SYT1: variants seen among roughly 807,000 people sequenced by gnomAD.
SYT1 encodes synaptotagmin-1.
SYT1 carries 8 observed loss-of-function variants against 44.8 expected under a neutral mutation model. That is an observed-to-expected ratio of 0.18 (90% CI 0.10 to 0.32). SYT1 has a LOEUF of 0.32. Among genes scored for constraint, SYT1 ranks in the 10% least tolerant of loss-of-function variants. SYT1 has a pLI of 1.00. For missense variants in SYT1, 286 were observed against 509.3 expected (o/e 0.56, Z 4.22); for synonymous variants, 154 against 188.8 (o/e 0.82, Z 1.51).
intron 3 of SYT1, among the ~76,000 whole-genome samples, chr12:79,076,157 A>G (rs930717870): frequency 3.3e-5 from 5 of 152,114 alleles, no homozygotes; most frequent in East Asian, 3.9e-4. Context: ...GATGTGATCT[A>G]ATGGAACAAG....
intron 9 of SYT1, among the ~76,000 whole-genome samples, chr12:79,384,350 A>G (rs1320431067): frequency 2.0e-5 from 3 of 152,230 alleles, no homozygotes; most frequent in Admixed American, 6.5e-5. Context: ...TATATGCCAA[A>G]AAGAATCTTT....
chr12:79,062,525 TTC>T (rs1875467570), intron 3 of SYT1, among the ~76,000 whole-genome samples: 1 of 152,188 alleles, frequency 6.6e-6, no homozygotes, highest in South Asian at 2.1e-4. Context: ...GGGTTGTGTT[TTC>T]TCTGTTATTC....
intron 3 of SYT1, among the ~76,000 whole-genome samples, chr12:79,211,561 G>C (rs1032287733): frequency 6.6e-6 from 1 of 151,506 alleles, no homozygotes; most frequent in Admixed American, 6.6e-5. Context: ...TCTAGCATTA[G>C]GTATATCTCC....
intron 1 of SYT1, among the ~76,000 whole-genome samples, chr12:78,974,704 C>G (rs1245554734): frequency 6.6e-6 from 1 of 151,928 alleles, no homozygotes; most frequent in South Asian, 2.1e-4. Flanking sequence ...CCAAAGTGCT[C>G]GCATTACAGG....
chr12:78,986,429 C>T (rs1869645143), intron 2 of SYT1, among the ~76,000 whole-genome samples: 2 of 151,786 alleles, frequency 1.3e-5, no homozygotes, highest in South Asian at 4.1e-4. Context: ...TTCATGGTTA[C>T]AATTTTTGCA....
intron 9 of SYT1, among the ~76,000 whole-genome samples, chr12:79,371,391 C>A (rs1883783127): frequency 6.6e-6 from 1 of 152,180 alleles, no homozygotes; most frequent in African/African-American, 2.4e-5. Context: ...TCAGTTGACT[C>A]ACAATGAATA....
At chr12:78,910,773 C>T (rs1057424852) in intron 1 of SYT1, among the ~76,000 whole-genome samples, 5 of 151,866 alleles carry the variant, frequency 3.3e-5, no homozygotes, top group Admixed American at 6.6e-5. Flanking sequence ...GAAACTTGAC[C>T]TTATCGAAGA....
At chr12:78,982,744 T>A (rs1417948011) in intron 2 of SYT1, among the ~76,000 whole-genome samples, 1 of 152,200 alleles carries the variant, frequency 6.6e-6, no homozygotes, top group Non-Finnish European at 1.5e-5. Context: ...TTATAACTGA[T>A]GCTATATCAT....
At chr12:78,961,928 TAA>T (rs562271771) in intron 1 of SYT1, among the ~76,000 whole-genome samples, 106 of 152,304 alleles carry the variant, frequency 7.0e-4, no homozygotes, top group African/African-American at 2.5e-3. Flanking sequence ...CAATCAAAGA[TAA>T]AAGGTAATAT....
At chr12:78,934,467 G>T (rs899288652) in intron 1 of SYT1, among the ~76,000 whole-genome samples, 2 of 152,102 alleles carry the variant, frequency 1.3e-5, no homozygotes, top group African/African-American at 4.8e-5. Flanking sequence ...AGCCTGTGGG[G>T]TTGAGGCTGC....
At chr12:79,113,764 A>C (rs919723251) in intron 3 of SYT1, among the ~76,000 whole-genome samples, 1 of 152,132 alleles carries the variant, frequency 6.6e-6, no homozygotes, top group Non-Finnish European at 1.5e-5. Flanking sequence ...TCTGCTCACC[A>C]CTAATCCCAG....
intron 3 of SYT1, among the ~76,000 whole-genome samples, chr12:79,154,977 G>A (rs1424192004): frequency 6.6e-6 from 1 of 152,112 alleles, no homozygotes; most frequent in Non-Finnish European, 1.5e-5. Flanking sequence ...ATATGGCCAT[G>A]GCACCACAAT....
At chr12:79,130,495 G>A (rs1038832944) in intron 3 of SYT1, among the ~76,000 whole-genome samples, 1 of 152,164 alleles carries the variant, frequency 6.6e-6, no homozygotes, top group Non-Finnish European at 1.5e-5. Context: ...TGTCTGCCTT[G>A]ATTCCAGATA....
At chr12:79,091,906 C>T (rs925406004) in intron 3 of SYT1, among the ~76,000 whole-genome samples, 1 of 151,928 alleles carries the variant, frequency 6.6e-6, no homozygotes, top group Admixed American at 6.6e-5. Flanking sequence ...TAATAATTTA[C>T]AGAAGTACAG....
intron 3 of SYT1, among the ~76,000 whole-genome samples, chr12:79,140,466 C>G (rs968103577): frequency 6.6e-6 from 1 of 152,124 alleles, no homozygotes; most frequent in African/African-American, 2.4e-5. Flanking sequence ...ATAGTCACTT[C>G]TCTGAAATAT....
chr12:79,282,847 A>G (rs1879119512), intron 4 of SYT1, among the ~76,000 whole-genome samples: 1 of 152,034 alleles, frequency 6.6e-6, no homozygotes, highest in African/African-American at 2.4e-5. Flanking sequence ...TAATGTATCT[A>G]TAACTGTAGC....
At chr12:79,074,041 A>T (rs1565793587) in intron 3 of SYT1, among the ~76,000 whole-genome samples, 1 of 152,208 alleles carries the variant, frequency 6.6e-6, no homozygotes. Context: ...ATGTGCTCAC[A>T]TTCCATAAGT....
At chr12:79,311,504 C>A (rs377025681) in intron 8 of SYT1, among the ~76,000 whole-genome samples, 1 of 143,232 alleles carries the variant, frequency 7.0e-6, no homozygotes, top group Non-Finnish European at 1.5e-5. Flanking sequence ...TTGACCCAGC[C>A]ATCCCATTAC....
intron 8 of SYT1, among the ~76,000 whole-genome samples, chr12:79,331,901 C>G (rs1168488722): frequency 6.6e-6 from 1 of 152,020 alleles, no homozygotes; most frequent in African/African-American, 2.4e-5. Context: ...GATCATTTTT[C>G]TCATTTACAT....
Sources: allele counts gnomAD v4.1 joint callset (sites outside exome capture counted in the v4.1 genomes callset), GRCh38; gene constraint gnomAD v4.1.1; transcripts MANE v1.5; gene names NCBI Gene and HGNC (gene_info 2026-07-23, HGNC 2026-07-21).